Variants in B3GALT1 observed in about 807,000 individuals in gnomAD.
The protein encoded by B3GALT1 is UDP-Gal:betaGlcNAc beta 1,3-galactosyltransferase, polypeptide 1.
A neutral mutation model predicts 23.2 loss-of-function variants in B3GALT1; 10 were observed. That is an observed-to-expected ratio of 0.43 (90% CI 0.27 to 0.73). B3GALT1 has a LOEUF of 0.73. Among genes scored for constraint, B3GALT1 ranks in the 30% least tolerant of loss-of-function variants. The probability of loss-of-function intolerance (pLI) is 0.21; values close to 1 mark genes in which losing one functional copy is unlikely to be tolerated. For synonymous variants in B3GALT1, 156 were observed against 141.5 expected, an observed-to-expected ratio of 1.10 and a Z score of -0.73; for missense variants, 299 against 405.4, an observed-to-expected ratio of 0.74 and a Z score of 2.25.
At chr2:167,478,474 A>T (rs1323111561) in intron 1 of B3GALT1, among the ~76,000 whole-genome samples, 1 of 152,170 alleles carries the variant, frequency 6.6e-6, no homozygotes, top group African/African-American at 2.4e-5. Flanking sequence ...CTGTGTTAAG[A>T]TGCTAAGTGA....
intron 2 of B3GALT1, among the ~76,000 whole-genome samples, chr2:167,531,389 T>C (rs887525193): frequency 6.6e-6 from 1 of 152,122 alleles, no homozygotes; most frequent in African/African-American, 2.4e-5. Context: ...TCTTTTCTTT[T>C]TTTCATAATA....
chr2:167,859,236 T>C (rs1690054592), intron 4 of B3GALT1, among the ~76,000 whole-genome samples: 2 of 152,130 alleles, frequency 1.3e-5, no homozygotes, highest in African/African-American at 4.8e-5. Context: ...GCTTTAAAAA[T>C]GTGTCTTATA....
rs144526181 is a variant in B3GALT1 at position 167,434,024 on chromosome 2, G to A, written c.-510-56153G>A. On this transcript the variant is annotated intron_variant, in intron 1 of 4. Transcript: ENST00000392690. ...ACTGCCCTCCAACTTGGGTAACAGA[G>A]CAAGATTCTATCATAAATAAATAAA... Among the ~76,000 whole-genome samples, 808 of 151,858 alleles carry A rather than the reference G, an allele frequency of 5.3e-3. 10 individuals are homozygous for A. Among genetic ancestry groups the A allele is most frequent in the African/African-American group, 0.019 (773 of 41,370 alleles).
At chr2:167,339,143 G>A (rs1697107868) in intron 1 of B3GALT1, among the ~76,000 whole-genome samples, 1 of 152,132 alleles carries the variant, frequency 6.6e-6, no homozygotes, top group South Asian at 2.1e-4. Flanking sequence ...TGTGGAAGAA[G>A]AAACTCACAT....
intron 3 of B3GALT1, among the ~76,000 whole-genome samples, chr2:167,740,743 G>A (rs921085916): frequency 6.6e-6 from 1 of 152,072 alleles, no homozygotes; most frequent in Non-Finnish European, 1.5e-5. Flanking sequence ...AAAATTTCTA[G>A]GAATAGTTCA....
At chr2:167,342,861 G>C (rs1012590539) in intron 1 of B3GALT1, among the ~76,000 whole-genome samples, 6 of 152,126 alleles carry the variant, frequency 3.9e-5, no homozygotes, top group African/African-American at 1.4e-4. Flanking sequence ...TGTGTTTACT[G>C]ATATCTTTTA....
intron 1 of B3GALT1, among the ~76,000 whole-genome samples, chr2:167,310,038 A>G (rs545292294): frequency 1.3e-5 from 2 of 152,258 alleles, no homozygotes; most frequent in African/African-American, 4.8e-5. Context: ...AACTGTTTTC[A>G]TTTATCAAGT....
intron 1 of B3GALT1, among the ~76,000 whole-genome samples, chr2:167,330,778 A>G (rs766405397): frequency 1.3e-5 from 2 of 152,036 alleles, no homozygotes; most frequent in Non-Finnish European, 2.9e-5. Context: ...GAATTCTCTT[A>G]TATCTCATTG....
intron 1 of B3GALT1, among the ~76,000 whole-genome samples, chr2:167,348,431 A>G (rs1197066161): frequency 6.6e-6 from 1 of 152,204 alleles, no homozygotes; most frequent in East Asian, 1.9e-4. Flanking sequence ...TGCATAGATA[A>G]AACTTCGTAA....
intron 1 of B3GALT1, among the ~76,000 whole-genome samples, chr2:167,356,073 A>G (rs577827076): frequency 6.6e-6 from 1 of 152,318 alleles, no homozygotes; most frequent in Admixed American, 6.5e-5. Context: ...CAGCTGGTGG[A>G]GTGTGAAGCC....
At chr2:167,797,925 C>T (rs1386284386) in intron 3 of B3GALT1, among the ~76,000 whole-genome samples, 2 of 152,104 alleles carry the variant, frequency 1.3e-5, no homozygotes, top group Non-Finnish European at 2.9e-5. Context: ...AGGATGGTCT[C>T]AATCTCCTGA....
At chr2:167,490,004 C>G (rs544401816) in intron 1 of B3GALT1, among the ~76,000 whole-genome samples, 173 bp from the exon 2 acceptor site, 1 of 152,026 alleles carries the variant, frequency 6.6e-6, no homozygotes, top group Admixed American at 6.5e-5. Context: ...GAGAAAATTC[C>G]TTTTCAAATT....
chr2:167,410,639 C>T (rs1323658965), intron 1 of B3GALT1, among the ~76,000 whole-genome samples: 1 of 151,904 alleles, frequency 6.6e-6, no homozygotes, highest in Admixed American at 6.6e-5. Context: ...TGCATACGGG[C>T]TTAAAACCTA....
chr2:167,792,780 C>A (rs887920206), intron 3 of B3GALT1, among the ~76,000 whole-genome samples: 2 of 151,872 alleles, frequency 1.3e-5, no homozygotes, highest in Admixed American at 6.6e-5. Context: ...CCCCAGCCTG[C>A]AGACAGGGAG....
intron 1 of B3GALT1, among the ~76,000 whole-genome samples, chr2:167,461,834 A>G (rs184524761): frequency 6.6e-6 from 1 of 152,308 alleles, no homozygotes; most frequent in African/African-American, 2.4e-5. Flanking sequence ...TGTAGAGAAT[A>G]TAATAGAAAA....
chr2:167,639,692 C>T (rs1558933441), intron 2 of B3GALT1, among the ~76,000 whole-genome samples: 1 of 152,020 alleles, frequency 6.6e-6, no homozygotes, highest in Non-Finnish European at 1.5e-5. Context: ...CCTTGAAGCA[C>T]CAATACACTA....
chr2:167,848,987 C>CA (rs577356469), intron 4 of B3GALT1, among the ~76,000 whole-genome samples: 13 of 151,564 alleles, frequency 8.6e-5, no homozygotes, highest in Middle Eastern at 3.4e-3. Context: ...ACAATAGCTG[C>CA]AAAAAAAATA....
chr2:167,344,182 A>G (rs1436314137), intron 1 of B3GALT1, among the ~76,000 whole-genome samples: 1 of 152,204 alleles, frequency 6.6e-6, no homozygotes, highest in Non-Finnish European at 1.5e-5. Context: ...TTGAAATAAA[A>G]CAAATAAGGA....
At chr2:167,767,956 A>G (rs1261657144) in intron 3 of B3GALT1, among the ~76,000 whole-genome samples, 1 of 152,074 alleles carries the variant, frequency 6.6e-6, no homozygotes, top group African/African-American at 2.4e-5. Context: ...GATGGTGTAG[A>G]TTCTAGTCTG....
Sources: gnomAD v4.1 joint callset for allele counts (sites outside exome capture counted in the v4.1 genomes callset) on GRCh38, gnomAD v4.1.1 for gene constraint, MANE v1.5 for transcripts, NCBI Gene and HGNC (gene_info 2026-07-23, HGNC 2026-07-21) for gene names.